The following PIGR variants were observed in gnomAD, a reference collection of about 807,000 sequenced individuals.
PIGR encodes polymeric immunoglobulin receptor, also known as hepatocellular carcinoma associated protein TB6.
In PIGR, 22 loss-of-function variants were observed where a neutral mutation model predicts 69.5. The ratio of observed to expected loss-of-function variants is 0.32; its 90% confidence interval spans 0.23 to 0.45. PIGR has a LOEUF of 0.45. Among genes scored for constraint, PIGR ranks in the 20% least tolerant of loss-of-function variants. The probability of loss-of-function intolerance (pLI) is 1.00; values close to 1 mark genes in which losing one functional copy is unlikely to be tolerated. For synonymous variants in PIGR, 413 were observed against 407.6 expected (o/e 1.01, Z -0.16); for missense variants, 885 against 974.0 (o/e 0.91, Z 1.22).
rs749899314 is a variant in PIGR, at chr1:206,935,630, G to A, written c.1234C>T (p.Arg412Cys). 2.0e-5 allele frequency: 33 copies of A among 1,614,016 alleles called. No homozygotes were observed. The highest frequency in any genetic ancestry group is 1.3e-5 in the African/African-American group (1 of 74,924). ...EGWVKAQYEG[R>C]LSLLEEPGNG... ...CCTGGCTCCTCCAGCAGGGAGAGGCGGCCCTCGTACTGGGCCTTAACCCAC... is the reference window on the plus strand; with the variant it reads ...CCTGGCTCCTCCAGCAGGGAGAGGCAGCCCTCGTACTGGGCCTTAACCCAC... Residue 412 changes from arginine (R) to cysteine (C), a missense_variant, in exon 5 of 11, where the codon CGC becomes TGC. Transcript: ENST00000356495. The surrounding 1 kb of genome is among the most constrained non-coding windows in gnomAD (Gnocchi z 4.4).
chr1:206,944,178 T>C (rs543825350), intron 1 of PIGR, among the ~76,000 whole-genome samples: 3 of 152,274 alleles, frequency 2.0e-5, no homozygotes, highest in South Asian at 2.1e-4. Context: ...GCAGTTCTTA[T>C]AAGGAGACAC....
rs1174455986 is a variant in PIGR at position 206,935,125 on chromosome 1, TG to T, written c.1378+360del. ...TAATAATTATTATTGATGAGCACCA[TG>T]ATCAATCCAGAGTCTACCATAGACC... On this transcript the variant is annotated intron_variant, in intron 5 of 10. Transcript: ENST00000356495. The surrounding 1 kb of genome is among the most constrained non-coding windows in gnomAD (Gnocchi z 4.4). Among the ~76,000 whole-genome samples, 3 of 152,086 alleles carry T rather than the reference TG, an allele frequency of 2.0e-5. No homozygotes were observed. The highest frequency in any genetic ancestry group is 7.3e-5 in the African/African-American group (3 of 41,358).
intron 6 of PIGR, 85 bp downstream of exon 6, chr1:206,934,335 C>T: frequency 8.2e-7 from 1 of 1,215,850 alleles, no homozygotes; most frequent in East Asian, 2.3e-5. Flanking sequence ...GGGGCCAGCA[C>T]TGATTGAGAA....
rs1679715506 is a variant in PIGR, at chr1:206,930,461, G to T, written c.2200-48C>A. 2 of 1,586,062 alleles carry T rather than the reference G, an allele frequency of 1.3e-6. No homozygotes were observed. The highest frequency in any genetic ancestry group is 1.7e-6 in the Non-Finnish European group (2 of 1,165,890). On this transcript the variant is annotated intron_variant, in intron 10 of 10. Coordinates refer to ENST00000356495, the MANE Select transcript of PIGR (RefSeq NM_002644.4). This position sits in a 1 kb window ranked among gnomAD's most constrained non-coding sequence, Gnocchi z 4.3. ...TCAGTGTTGGGGGCACTGGCTCAGT[G>T]GGTGGAGTCAGGGGAGGGGAGGTGC...
Position 206,935,346 on chromosome 1 carries a change from G to A in PIGR, c.1378+140C>T. 1 of 680,914 alleles carries A rather than the reference G, an allele frequency of 1.5e-6. No individual in the cohort carries two copies. Among genetic ancestry groups the A allele is most frequent in the Non-Finnish European group, 2.6e-6 (1 of 389,050 alleles). 42.2% of individuals were successfully genotyped at this position (680,914 alleles called of 1,614,324 possible). A position where few individuals can be genotyped will look rare whatever the true frequency, so the allele number is the denominator to read the frequency against. On this transcript the variant is annotated intron_variant, in intron 5 of 10. Coordinates refer to ENST00000356495, the MANE Select transcript of PIGR (RefSeq NM_002644.4). The surrounding 1 kb of genome is among the most constrained non-coding windows in gnomAD (Gnocchi z 4.4). ...AGGTGCGTGTTATAGGCATGAAAAT[G>A]TGACCTCTGGATAGGTGGGCTCCCT... is the stretch of plus-strand genomic sequence containing the variant.
chr1:206,930,976 G>A lies in PIGR; in HGVS notation c.2199+521C>T. The A allele has an allele frequency of 2.0e-6, 2 of 985,434 alleles. No homozygotes were observed. The highest frequency in any genetic ancestry group is 1.2e-6 in the Non-Finnish European group (1 of 829,916). The allele number at this position is 985,434 out of a possible 1,614,324, so 61.0% of individuals were successfully genotyped here. A position where few individuals can be genotyped will look rare whatever the true frequency, so the allele number is the denominator to read the frequency against. ...TCCCCTGAGTCCTAGGGCAGATTGA[G>A]GGGATGGTATATGGCACCCAAGGCA... On this transcript the variant is annotated intron_variant, in intron 10 of 10. Transcript: ENST00000356495. This position sits in a 1 kb window ranked among gnomAD's most constrained non-coding sequence, Gnocchi z 4.3.
intron 5 of PIGR, 64 bp from the exon 6 acceptor site, chr1:206,934,810 T>C: frequency 8.5e-7 from 1 of 1,173,434 alleles, no homozygotes; most frequent in Non-Finnish European, 1.2e-6. Flanking sequence ...TGCAGGGAAG[T>C]GACTCTGGTG....
intron 6 of PIGR, among the ~76,000 whole-genome samples, chr1:206,933,812 G>T (rs1679809837): frequency 6.6e-6 from 1 of 151,978 alleles, no homozygotes; most frequent in Admixed American, 6.5e-5. Context: ...ATACAGAGAA[G>T]AATATTTCCA....
intron 4 of PIGR, among the ~76,000 whole-genome samples, chr1:206,936,138 C>A (rs1447262636): frequency 7.2e-5 from 11 of 152,196 alleles, no homozygotes; most frequent in Non-Finnish European, 7.3e-5. Context: ...CTTACAAAGT[C>A]TCCCTCTGTG....
chr1:206,932,696 G>A (rs1347599475), intron 7 of PIGR, 119 bp from the exon 8 acceptor site: 18 of 1,210,510 alleles, frequency 1.5e-5, no homozygotes, highest in Non-Finnish European at 1.9e-5. Flanking sequence ...CCCTGCTGAT[G>A]CAGCTCCCTA....
Position 206,939,192 on chromosome 1 carries a change from G to A in PIGR, c.315C>T (p.Ser105=), listed in dbSNP as rs376707589. 63 of 1,614,186 alleles carry A rather than the reference G, an allele frequency of 3.9e-5. No individual in the cohort carries two copies. The highest frequency in any genetic ancestry group is 5.0e-5 in the Admixed American group (3 of 60,028). The change falls in exon 3 of 11, where the codon TCC becomes TCT. Residue 105 remains serine (S), a synonymous_variant. Coordinates refer to ENST00000356495, the MANE Select transcript of PIGR (RefSeq NM_002644.4). The part of the protein sequence containing the change: ...VNIAQLSQDD[S]GRYKCGLGIN... ...TGCCCAGGCCACACTTGTAGCGCCCGGAGTCATCCTGGCTCAGCTGGGCAA... is the reference window on the plus strand; with the variant it reads ...TGCCCAGGCCACACTTGTAGCGCCCAGAGTCATCCTGGCTCAGCTGGGCAA...
In PIGR at chr1:206,939,312, T is replaced by A; in HGVS notation, c.195A>T (p.Ile65=). The A allele has an allele frequency of 1.2e-6, 2 of 1,614,206 alleles. No homozygotes were observed. Among genetic ancestry groups the A allele is most frequent in the Non-Finnish European group, 1.7e-6 (2 of 1,180,030 alleles). ...CGTAGCCCTCCGAGGAGATGAGGGTTATGCAGCCACCTCTAGCTCCCTGCC... is the reference window on the plus strand; with the variant it reads ...CGTAGCCCTCCGAGGAGATGAGGGTAATGCAGCCACCTCTAGCTCCCTGCC... ...WCRQGARGGC[I]TLISSEGYVS... is the part of the protein sequence containing the mutation. Residue 65 remains isoleucine, a synonymous_variant, in exon 3 of 11, where the codon ATA becomes ATT. Transcript: ENST00000356495.
Position 206,937,667 on chromosome 1 carries a change from T to C in PIGR, c.473A>G (p.Asn158Ser). The C allele has an allele frequency of 6.2e-7, 1 of 1,613,980 alleles. No individual in the cohort carries two copies. The highest frequency in any genetic ancestry group is 8.5e-7 in the Non-Finnish European group (1 of 1,179,942). ...VTINCPFKTE[N>S]AQKRKSLYKQ... is the part of the protein sequence containing the mutation. ...GTACAAGGACTTCCTCTTTTGAGCA[T>C]TCTCAGTCTTGAAAGGGCAGTTGAT... The change falls in exon 4 of 11, where the codon AAT (asparagine) becomes AGT (serine). Residue 158 changes from asparagine (N) to serine (S), a missense_variant. Transcript: ENST00000356495.
Position 206,931,674 on chromosome 1 carries a change from C to G in PIGR, c.2137G>C (p.Glu713Gln). 6.2e-7 allele frequency: 1 copy of G among 1,614,180 alleles called. No homozygotes were observed. The highest frequency in any genetic ancestry group is 8.5e-7 in the Non-Finnish European group (1 of 1,180,032). The change falls in exon 9 of 11, where the codon GAA (glutamate) becomes CAA (glutamine). Residue 713 changes from glutamate to glutamine, a missense_variant. Transcript: ENST00000356495. ...ITQETSLGGKEEFVATTESTT... is the reference protein window; with the variant it reads ...ITQETSLGGKQEFVATTESTT... ...TTCCCTTGAGTGAGGGTCATACCTT[C>G]TTTTCCTCCGAGGGATGTCTCCTGA...
rs1212748227 is a variant in PIGR at position 206,929,014 on chromosome 1, C to T, written c.*1304G>A. On this transcript the variant is annotated 3_prime_UTR_variant, in exon 11 of 11. Coordinates refer to ENST00000356495, the MANE Select transcript of PIGR (RefSeq NM_002644.4). ...TTTGAGAAGCTGAGGCGGCAGATCA[C>T]TTGAGGCCAGGAGTTCGAGACCAGT... 1.4e-5 allele frequency: 2 copies of T among 146,872 alleles called. No homozygotes were observed. Among genetic ancestry groups the T allele is most frequent in the South Asian group, 2.1e-4 (1 of 4,706 alleles). The allele number at this position is 146,872 out of a possible 1,614,324, so 9.1% of individuals were successfully genotyped here.
At chr1:206,932,686 C>A in intron 7 of PIGR, 109 bp from the exon 8 acceptor site, 1 of 1,294,940 alleles carries the variant, frequency 7.7e-7, no homozygotes, top group East Asian at 2.6e-5. Flanking sequence ...ATCCACCCCA[C>A]CCTGCTGATG....
chr1:206,932,223 G>A (rs898005306), intron 8 of PIGR, among the ~76,000 whole-genome samples: 1 of 152,204 alleles, frequency 6.6e-6, no homozygotes, highest in African/African-American at 2.4e-5. Flanking sequence ...CCCTGTCTCT[G>A]AACCTAGATC....
rs750763123 is a variant in PIGR, at chr1:206,937,333, A to C, written c.807T>G (p.Phe269Leu). 8.7e-6 allele frequency: 14 copies of C among 1,612,956 alleles called. No individual in the cohort carries two copies. The highest frequency in any genetic ancestry group is 3.3e-4 in the Middle Eastern group (2 of 6,074). Residue 269 changes from phenylalanine (F) to leucine (L), a missense_variant, in exon 4 of 11, where the codon TTT becomes TTG. Transcript: ENST00000356495. ...TTTCCCCACTGCTCTGTCGGCACAGAAATTTGGCCACGTTTGCCACCTCAG... is the reference window on the plus strand; with the variant it reads ...TTTCCCCACTGCTCTGTCGGCACAGCAATTTGGCCACGTTTGCCACCTCAG... ...LGPEVANVAK[F>L]LCRQSSGENC...
Position 206,930,388 on chromosome 1 carries a change from G to C in PIGR, c.2225C>G (p.Ala742Gly). Residue 742 changes from alanine (A) to glycine (G), a missense_variant, in exon 11 of 11, where the codon GCC becomes GGC. Ala to Gly is a moderately conservative substitution (Grantham distance 60, BLOSUM62 0). Transcript: ENST00000356495. This position sits in a 1 kb window ranked among gnomAD's most constrained non-coding sequence, Gnocchi z 4.3. The stretch of plus-strand genomic sequence containing the variant: ...GGACTGGAGCAGGAAGTCTTTGTAG[G>C]CCATCTCGGCTTCCTCCTTGGATGA... ...KRSSKEEAEM[A>G]YKDFLLQSST... 1.9e-6 allele frequency: 3 copies of C among 1,613,200 alleles called. No individual in the cohort carries two copies. The highest frequency in any genetic ancestry group is 2.5e-6 in the Non-Finnish European group (3 of 1,179,542).
Sources: allele counts gnomAD v4.1 joint callset (sites outside exome capture counted in the v4.1 genomes callset), GRCh38; gene constraint gnomAD v4.1.1; non-coding constraint Gnocchi (gnomAD v3.1); transcripts MANE v1.5; gene names NCBI Gene and HGNC (gene_info 2026-07-23, HGNC 2026-07-21).